The following CALCR variants were observed in gnomAD, a reference collection of about 807,000 sequenced individuals.
CALCR encodes calcitonin receptor.
CALCR carries 47 observed loss-of-function variants against 59.5 expected under a neutral mutation model. The observed-to-expected ratio is 0.79, with a 90% CI of 0.63 to 1.01. CALCR has a LOEUF of 1.01. CALCR is among the 50% of genes least tolerant of loss of function. The pLI is 0.00. For synonymous variants in CALCR, 213 were observed against 211.3 expected (o/e 1.01, Z -0.07); for missense variants, 566 against 597.1 (o/e 0.95, Z 0.54).
intron 7 of CALCR, 29 bp downstream of exon 7, chr7:93,468,686 T>C: frequency 6.9e-7 from 1 of 1,454,116 alleles, no homozygotes. Flanking sequence ...AAGGAGGAAA[T>C]AAAGAGCAGA....
intron 2 of CALCR, among the ~76,000 whole-genome samples, chr7:93,521,532 G>A (rs1679231489): frequency 6.6e-6 from 1 of 152,100 alleles, no homozygotes. Context: ...AAGCTAGGGG[G>A]AGAATCTACT....
chr7:93,494,103 T>C (rs1801144596), intron 2 of CALCR, among the ~76,000 whole-genome samples: 1 of 151,330 alleles, frequency 6.6e-6, no homozygotes, highest in South Asian at 2.1e-4. Context: ...AAGCCAAATC[T>C]CCTCTTGACA....
At chr7:93,478,360 G>A (rs1800715532) in intron 4 of CALCR, among the ~76,000 whole-genome samples, 1 of 151,830 alleles carries the variant, frequency 6.6e-6, no homozygotes. Context: ...CAGTAACAGA[G>A]TATATTTTAC....
chr7:93,567,141 C>A (rs1443800746), intron 2 of CALCR, among the ~76,000 whole-genome samples: 1 of 152,090 alleles, frequency 6.6e-6, no homozygotes, highest in East Asian at 1.9e-4. Context: ...CTAAAGAAAA[C>A]CAACTCAAAC....
intron 2 of CALCR, among the ~76,000 whole-genome samples, chr7:93,522,942 C>CT (rs1801795474): frequency 6.6e-6 from 1 of 152,134 alleles, no homozygotes; most frequent in East Asian, 1.9e-4. Context: ...TTACTTCCTG[C>CT]TTTTTTTCAG....
chr7:93,521,979 A>T (rs1404418898), intron 2 of CALCR, among the ~76,000 whole-genome samples: 1 of 152,172 alleles, frequency 6.6e-6, no homozygotes, highest in East Asian at 1.9e-4. Flanking sequence ...ACTTCAGTGA[A>T]TTCCGTTTCC....
intron 11 of CALCR, among the ~76,000 whole-genome samples, chr7:93,437,286 AT>A (rs1799800806): frequency 6.6e-6 from 1 of 152,056 alleles, no homozygotes; most frequent in African/African-American, 2.4e-5. Context: ...ATTTTACTTT[AT>A]TTATTATTTT....
chr7:93,444,203 A>G (rs1209628630), intron 8 of CALCR, among the ~76,000 whole-genome samples: 1 of 152,026 alleles, frequency 6.6e-6, no homozygotes, highest in African/African-American at 2.4e-5. Flanking sequence ...TAAAGAGGAG[A>G]GAGTCAGGTG....
chr7:93,486,804 G>T, intron 3 of CALCR, 127 bp downstream of exon 3: 1 of 685,170 alleles, frequency 1.5e-6, no homozygotes, highest in Non-Finnish European at 2.6e-6. Context: ...TGGCTTTGAG[G>T]AACTTAGTTT....
chr7:93,460,588 T>TAC (rs1191348249), intron 8 of CALCR, among the ~76,000 whole-genome samples: 49 of 115,820 alleles, frequency 4.2e-4, no homozygotes, highest in African/African-American at 1.8e-3. Flanking sequence ...TATATATATA[T>TAC]ATATGTATAT....
intron 2 of CALCR, among the ~76,000 whole-genome samples, chr7:93,563,110 C>T (rs1789784469): frequency 6.6e-6 from 1 of 152,274 alleles, no homozygotes; most frequent in African/African-American, 2.4e-5. Flanking sequence ...GAACAAATCC[C>T]TCCCGTTGCA....
intron 5 of CALCR, among the ~76,000 whole-genome samples, chr7:93,477,184 T>G (rs948057212): frequency 1.3e-5 from 2 of 151,904 alleles, no homozygotes; most frequent in Admixed American, 6.6e-5. Context: ...GTTGTGCCCA[T>G]AGCTAATCCA....
chr7:93,443,654 G>C lies in CALCR; in HGVS notation c.752C>G (p.Ala251Gly). 1 of 1,613,386 alleles carries C rather than the reference G, an allele frequency of 6.2e-7. No homozygotes were observed. The highest frequency in any genetic ancestry group is 1.7e-4 in the Middle Eastern group (1 of 6,058). Residue 251 changes from alanine to glycine, a missense_variant, in exon 9 of 14, where the codon GCT becomes GGT. Transcript: ENST00000426151. Reference sequence around the variant, plus strand: ...CAAGCGTTGCTTCTCAGTAAACACAGCCACGACAATGAGTGTATGAAGATA... The same window carrying C: ...CAAGCGTTGCTTCTCAGTAAACACACCCACGACAATGAGTGTATGAAGATA... ...GIYLHTLIVV[A>G]VFTEKQRLRW...
chr7:93,543,480 G>A (rs1789200557), intron 2 of CALCR, among the ~76,000 whole-genome samples: 1 of 152,086 alleles, frequency 6.6e-6, no homozygotes, highest in Admixed American at 6.6e-5. Flanking sequence ...TGGCAGTGCA[G>A]TAGGTTCATT....
intron 2 of CALCR, among the ~76,000 whole-genome samples, chr7:93,524,174 C>CTTTTTTTTTTTT (rs376632123): frequency 7.1e-6 from 1 of 139,992 alleles, no homozygotes; most frequent in African/African-American, 2.6e-5. Context: ...ATTTTTTTTT[C>CTTTTTTTTTTTT]TTTTTTTTTT....
At chr7:93,556,147 G>A (rs1360547643) in intron 2 of CALCR, among the ~76,000 whole-genome samples, 2 of 152,122 alleles carry the variant, frequency 1.3e-5, no homozygotes, top group Admixed American at 6.6e-5. Flanking sequence ...TTTCTCCAGG[G>A]TAACTGTTTG....
chr7:93,477,469 G>A, intron 5 of CALCR, 89 bp downstream of exon 5: 1 of 795,744 alleles, frequency 1.3e-6, no homozygotes, highest in Non-Finnish European at 2.1e-6. Context: ...TGATTAGGTG[G>A]GTACATTTTG....
chr7:93,572,661 ATAGT>A (rs1584640759), intron 2 of CALCR, among the ~76,000 whole-genome samples: 1 of 152,146 alleles, frequency 6.6e-6, no homozygotes, highest in African/African-American at 2.4e-5. Context: ...AACTAAACTA[ATAGT>A]TAGCTCCCTT....
chr7:93,572,250 C>T (rs1214386127), intron 2 of CALCR, among the ~76,000 whole-genome samples: 1 of 151,598 alleles, frequency 6.6e-6, no homozygotes, highest in East Asian at 1.9e-4. Flanking sequence ...AACTATTTGA[C>T]CAGCGATATA....
Sources: allele counts gnomAD v4.1 joint callset (sites outside exome capture counted in the v4.1 genomes callset), GRCh38; gene constraint gnomAD v4.1.1; transcripts MANE v1.5; gene names NCBI Gene and HGNC (gene_info 2026-07-23, HGNC 2026-07-21).